RUSC2: variants seen among roughly 807,000 people sequenced by gnomAD.
The protein encoded by RUSC2 is AP-4 complex accessory subunit RUSC2.
Under a neutral mutation model 122.2 loss-of-function variants are expected in RUSC2, and 34 were observed. The observed-to-expected ratio is 0.28, with a 90% CI of 0.21 to 0.37. RUSC2 has a LOEUF of 0.37. Among genes scored for constraint, RUSC2 ranks in the 10% least tolerant of loss-of-function variants. The pLI, the probability that RUSC2 is intolerant of heterozygous loss-of-function variation, is 1.00. For synonymous variants in RUSC2, 784 were observed against 790.0 expected (o/e 0.99, Z 0.13); for missense variants, 1,747 against 1,952.4 (o/e 0.89, Z 1.98).
At position 35,547,527 on chromosome 9, in the gene RUSC2, G is replaced by A. The variant is rs1440531761; in HGVS notation, c.1006G>A (p.Glu336Lys). 5.0e-6 allele frequency: 8 copies of A among 1,614,126 alleles called. No individual in the cohort carries two copies. The highest frequency in any genetic ancestry group is 5.9e-6 in the Non-Finnish European group (7 of 1,180,034). ...PSPFESKMSYESHHPESGGRE... is the reference protein window; with the variant it reads ...PSPFESKMSYKSHHPESGGRE... The stretch of plus-strand genomic sequence containing the variant: ...CCCATTTGAGTCTAAGATGTCTTAT[G>A]AGTCCCATCACCCTGAAAGTGGAGG... Residue 336 changes from glutamate to lysine, a missense_variant, in exon 2 of 12, where the codon GAG (glutamate) becomes AAG (lysine). Transcript: ENST00000361226. The surrounding 1 kb of genome is among the most constrained non-coding windows in gnomAD (Gnocchi z 4.6).
At position 35,552,869 on chromosome 9, in the gene RUSC2, A is replaced by AG. The variant is rs528013104; in HGVS notation, c.2015-2187dup. On this transcript the variant is annotated intron_variant, in intron 2 of 11. Coordinates refer to ENST00000361226, the MANE Select transcript of RUSC2 (RefSeq NM_014806.5). ...GGTAGAACTAAGACCCATTCCCCACAGGGGCCCCCTTCTTACCTGATCTTA... is the reference window on the plus strand; with the variant it reads ...GGTAGAACTAAGACCCATTCCCCACAGGGGGCCCCCTTCTTACCTGATCTTA... 3.0e-3 allele frequency among the ~76,000 whole-genome samples: 453 copies of AG among 152,352 alleles called. 4 individuals carry two copies. The highest frequency in any genetic ancestry group is 0.017 in the Middle Eastern group (5 of 294).
intron 4 of RUSC2, 79 bp downstream of exon 4, chr9:35,556,216 A>G: frequency 6.3e-7 from 1 of 1,597,728 alleles, no homozygotes; most frequent in South Asian, 1.1e-5. Flanking sequence ...GTCAGTCCCA[A>G]AGGAACGTGT....
chr9:35,547,354 A>G lies in RUSC2; in HGVS notation c.833A>G (p.Asp278Gly). Residue 278 changes from aspartate to glycine, a missense_variant, in exon 2 of 12, where the codon GAT becomes GGT. Asp to Gly is a moderately conservative substitution (Grantham distance 94, BLOSUM62 -1). Coordinates refer to ENST00000361226, the MANE Select transcript of RUSC2 (RefSeq NM_014806.5). The surrounding 1 kb of genome is among the most constrained non-coding windows in gnomAD (Gnocchi z 4.6). ...AGCGACTCCTCCTGCAACAGTTCAG[A>G]TGGTGTGCTGGTCACCTTCAGCACC... ...YVSDSSCNSSDGVLVTFSTLY... is the reference protein window; with the variant it reads ...YVSDSSCNSSGGVLVTFSTLY... 6.2e-7 allele frequency: 1 copy of G among 1,614,154 alleles called. No individual in the cohort carries two copies. The highest frequency in any genetic ancestry group is 8.5e-7 in the Non-Finnish European group (1 of 1,180,018).
At chr9:35,544,493 A>G (rs1821706485) in intron 1 of RUSC2, among the ~76,000 whole-genome samples, 1 of 151,912 alleles carries the variant, frequency 6.6e-6, no homozygotes, top group Non-Finnish European at 1.5e-5. Flanking sequence ...TTTTTAGTAG[A>G]GATGGGATTT....
intron 1 of RUSC2, among the ~76,000 whole-genome samples, chr9:35,496,001 A>T (rs1820705113): frequency 1.3e-5 from 2 of 152,226 alleles, no homozygotes; most frequent in African/African-American, 2.4e-5. Flanking sequence ...CTGATTGGAT[A>T]AAGTTGCTCC....
At chr9:35,498,163 T>G (rs1227418871) in intron 1 of RUSC2, among the ~76,000 whole-genome samples, 1 of 152,078 alleles carries the variant, frequency 6.6e-6, no homozygotes, top group Non-Finnish European at 1.5e-5. Flanking sequence ...TTTTGGTTTT[T>G]TTTTTTTCCC....
At chr9:35,553,276 G>A (rs1471369148) in intron 2 of RUSC2, among the ~76,000 whole-genome samples, 3 of 152,202 alleles carry the variant, frequency 2.0e-5, no homozygotes, top group Non-Finnish European at 4.4e-5. Context: ...GTTGGTGTAT[G>A]TAAGAAGCTT....
At chr9:35,535,226 C>T (rs1001459690) in intron 1 of RUSC2, among the ~76,000 whole-genome samples, 4 of 152,008 alleles carry the variant, frequency 2.6e-5, no homozygotes, top group African/African-American at 9.7e-5. Context: ...AGTGATTCTC[C>T]TGCCTCAGCC....
intron 1 of RUSC2, among the ~76,000 whole-genome samples, chr9:35,537,376 G>A (rs1674184443): frequency 6.6e-6 from 1 of 152,208 alleles, no homozygotes; most frequent in African/African-American, 2.4e-5. Flanking sequence ...TCAGCTAGGC[G>A]AGAGGAAAGC....
intron 2 of RUSC2, among the ~76,000 whole-genome samples, chr9:35,553,557 G>A (rs1821944340): frequency 1.3e-5 from 2 of 152,248 alleles, no homozygotes; most frequent in Admixed American, 6.5e-5. Context: ...ACTTGCCAGA[G>A]GGGCTGACGT....
Position 35,558,898 on chromosome 9 carries a change from G to A in RUSC2, c.3342-328G>A, listed in dbSNP as rs1822081968. Among the ~76,000 whole-genome samples, 1 of 152,216 alleles carries A rather than the reference G, an allele frequency of 6.6e-6. No individual in the cohort carries two copies. Among genetic ancestry groups the A allele is most frequent in the Non-Finnish European group, 1.5e-5 (1 of 68,036 alleles). ...TCCTGCTTGACCCTAAGTCCACCTTGGGACCCACATCCTAGTAACATGCTT... is the reference window on the plus strand; with the variant it reads ...TCCTGCTTGACCCTAAGTCCACCTTAGGACCCACATCCTAGTAACATGCTT... On this transcript the variant is annotated intron_variant, in intron 8 of 11. Transcript: ENST00000361226. The surrounding 1 kb of genome is among the most constrained non-coding windows in gnomAD (Gnocchi z 4.3).
intron 1 of RUSC2, among the ~76,000 whole-genome samples, chr9:35,523,834 A>T (rs1363820894): frequency 6.6e-6 from 1 of 151,770 alleles, no homozygotes; most frequent in Non-Finnish European, 1.5e-5. Flanking sequence ...AAAAAAAAAA[A>T]TAAAAATTTA....
At chr9:35,523,517 A>G (rs549304116) in intron 1 of RUSC2, among the ~76,000 whole-genome samples, 1 of 152,218 alleles carries the variant, frequency 6.6e-6, no homozygotes, top group African/African-American at 2.4e-5. Flanking sequence ...TCACAATGAA[A>G]AAAAAAGCCA....
At chr9:35,540,388 T>A (rs551349151) in intron 1 of RUSC2, among the ~76,000 whole-genome samples, 3 of 152,236 alleles carry the variant, frequency 2.0e-5, no homozygotes, top group East Asian at 1.9e-4. Context: ...TGTAAAAAAA[T>A]TCCCATTTCT....
intron 1 of RUSC2, among the ~76,000 whole-genome samples, chr9:35,492,876 A>G (rs553860588): frequency 2.0e-5 from 3 of 152,110 alleles, no homozygotes; most frequent in South Asian, 2.1e-4. Flanking sequence ...TCTACTTTCT[A>G]TCTTTGAATT....
intron 2 of RUSC2, among the ~76,000 whole-genome samples, chr9:35,551,957 G>A (rs751918832): frequency 7.2e-5 from 11 of 152,130 alleles, no homozygotes; most frequent in Non-Finnish European, 1.5e-4. Flanking sequence ...CTAGCTACTC[G>A]GGAGGCTGAG....
chr9:35,559,014 G>A (rs537472862), intron 8 of RUSC2, among the ~76,000 whole-genome samples: 1 of 152,280 alleles, frequency 6.6e-6, no homozygotes, highest in Non-Finnish European at 1.5e-5. Flanking sequence ...TCTACTGCAG[G>A]CTGACTCCAC....
intron 1 of RUSC2, among the ~76,000 whole-genome samples, chr9:35,522,030 C>T (rs1207758734): frequency 1.3e-5 from 2 of 152,232 alleles, no homozygotes; most frequent in African/African-American, 4.8e-5. Flanking sequence ...ATCACTGTTA[C>T]CACCAGTTCT....
At position 35,547,725 on chromosome 9, in the gene RUSC2, T is replaced by C; in HGVS notation, c.1204T>C (p.Cys402Arg). The C allele has an allele frequency of 6.2e-7, 1 of 1,614,172 alleles. No homozygotes were observed. Among genetic ancestry groups the C allele is most frequent in the Admixed American group, 1.7e-5 (1 of 60,024 alleles). ...ACAAAATTACTATAAACTTGTCACC[T>C]GTGACCTATCTTCCCAATCATCCCC... Reference protein sequence around the residue: ...ATQNYYKLVTCDLSSQSSPSP... With the variant: ...ATQNYYKLVTRDLSSQSSPSP... The change falls in exon 2 of 12, where the codon TGT becomes CGT. Residue 402 changes from cysteine (C) to arginine (R), a missense_variant. Cys to Arg is a radical substitution (Grantham distance 180). Coordinates refer to ENST00000361226, the MANE Select transcript of RUSC2 (RefSeq NM_014806.5). This position sits in a 1 kb window ranked among gnomAD's most constrained non-coding sequence, Gnocchi z 4.6.
Sources: gnomAD v4.1 joint callset for allele counts (sites outside exome capture counted in the v4.1 genomes callset) on GRCh38, gnomAD v4.1.1 for gene constraint, Gnocchi (gnomAD v3.1) non-coding constraint, MANE v1.5 for transcripts, NCBI Gene and HGNC (gene_info 2026-07-23, HGNC 2026-07-21) for gene names.